PTPRT: variants seen among roughly 807,000 people sequenced by gnomAD.
PTPRT encodes receptor-type tyrosine-protein phosphatase T.
Under a neutral mutation model 176.8 loss-of-function variants are expected in PTPRT, and 56 were observed. The ratio of observed to expected loss-of-function variants is 0.32; its 90% CI spans 0.26 to 0.40. The LOEUF is 0.40. Ranked by LOEUF, PTPRT falls within the 10% of genes least tolerant of loss-of-function variation. The pLI, the probability that PTPRT is intolerant of heterozygous loss-of-function variation, is 1.00. For missense variants in PTPRT, 1,540 were observed against 1,908.2 expected, an observed-to-expected ratio of 0.81 and a Z score of 3.60; for synonymous variants, 783 against 739.0, an observed-to-expected ratio of 1.06 and a Z score of -0.96.
In PTPRT at chr20:42,620,491, T is replaced by C. The variant is rs934845181; in HGVS notation, c.1153+57375A>G. Among the ~76,000 whole-genome samples the C allele has an allele frequency of 2.6e-3, 391 of 148,116 alleles. 2 individuals are homozygous for C. The highest frequency in any genetic ancestry group is 4.1e-3 in the Non-Finnish European group (279 of 67,520). ...CACCCAGTTCGAGCTTCCTGGCTGC[T>C]TTGTTTACCTAAGCAAGCCTGGGCA... On this transcript the variant is annotated intron_variant, in intron 7 of 30. Coordinates refer to ENST00000373187, the MANE Select transcript of PTPRT (RefSeq NM_007050.6).
chr20:42,440,192 A>C (rs751135422), intron 9 of PTPRT, among the ~76,000 whole-genome samples: 3 of 152,196 alleles, frequency 2.0e-5, no homozygotes, highest in Non-Finnish European at 1.5e-5. Context: ...GGTGTGAGCC[A>C]CCACACCAGG....
intron 7 of PTPRT, among the ~76,000 whole-genome samples, chr20:42,554,478 T>C (rs1473962521): frequency 1.3e-5 from 2 of 152,174 alleles, no homozygotes; most frequent in East Asian, 3.9e-4. Flanking sequence ...GCAGGGAGGC[T>C]GTCCTCACTG....
chr20:42,481,635 AT>A (rs879421678), intron 7 of PTPRT, among the ~76,000 whole-genome samples: 4 of 148,424 alleles, frequency 2.7e-5, no homozygotes, highest in Admixed American at 6.7e-5. Flanking sequence ...GTTTTTTTTA[AT>A]TTTTTTTTTA....
chr20:42,442,290 T>G (rs2059323471), intron 9 of PTPRT, among the ~76,000 whole-genome samples: 1 of 152,208 alleles, frequency 6.6e-6, no homozygotes, highest in Non-Finnish European at 1.5e-5. Context: ...GCTTGTTGAT[T>G]CCTGGGGCCC....
the PTPRT span, among the ~76,000 whole-genome samples, chr20:42,040,668 G>A: frequency 6.6e-6 from 1 of 152,158 alleles, no homozygotes; most frequent in Admixed American, 6.5e-5. Flanking sequence ...CATGTATTTA[G>A]TGTGTTTGGA....
At chr20:42,738,711 C>T (rs1192611192) in intron 6 of PTPRT, among the ~76,000 whole-genome samples, 2 of 152,146 alleles carry the variant, frequency 1.3e-5, no homozygotes, top group Non-Finnish European at 2.9e-5. Context: ...AATCAGTCAA[C>T]TAATAGGGGG....
intron 9 of PTPRT, among the ~76,000 whole-genome samples, chr20:42,413,260 C>T (rs1266912284): frequency 6.6e-6 from 1 of 152,158 alleles, no homozygotes; most frequent in Non-Finnish European, 1.5e-5. Flanking sequence ...AACTAAAACA[C>T]ATAAGAATAT....
intron 6 of PTPRT, among the ~76,000 whole-genome samples, chr20:42,697,267 A>G (rs977855503): frequency 1.6e-4 from 24 of 152,346 alleles, no homozygotes; most frequent in African/African-American, 5.3e-4. Context: ...TCAGATAAAC[A>G]TAAAAGGATA....
intron 6 of PTPRT, among the ~76,000 whole-genome samples, chr20:42,733,850 G>A (rs1239523714): frequency 3.3e-5 from 5 of 152,188 alleles, no homozygotes; most frequent in African/African-American, 9.6e-5. Flanking sequence ...AAGCAGGCAC[G>A]AGGGATGTAC....
chr20:42,145,544 A>AGATAGGTAGATG (rs1487530031), intron 17 of PTPRT, among the ~76,000 whole-genome samples: 1 of 151,716 alleles, frequency 6.6e-6, no homozygotes, highest in African/African-American at 2.4e-5. Flanking sequence ...ATAGATAGAT[A>AGATAGGTAGATG]GATGGATGTT....
chr20:42,496,154 T>C (rs930952794), intron 7 of PTPRT, among the ~76,000 whole-genome samples: 1 of 152,122 alleles, frequency 6.6e-6, no homozygotes, highest in African/African-American at 2.4e-5. Context: ...TGTCTTCCTA[T>C]TGACTGGCCT....
chr20:42,528,500 A>T (rs2072319102), intron 7 of PTPRT, among the ~76,000 whole-genome samples: 1 of 152,146 alleles, frequency 6.6e-6, no homozygotes, highest in Admixed American at 6.5e-5. Context: ...GTTAAAGACA[A>T]AGCTCTTAAT....
intron 1 of PTPRT, among the ~76,000 whole-genome samples, chr20:42,926,771 G>A (rs775278816): frequency 2.6e-5 from 4 of 152,188 alleles, no homozygotes; most frequent in Admixed American, 1.3e-4. Context: ...CTGCATGATT[G>A]TTGTGGGGAT....
In PTPRT at chr20:42,078,078, G is replaced by T. The variant is rs1212145642; in HGVS notation, c.*2801C>A. ...CTGGGGAAGGCCAGCTGGGGCATTG[G>T]GCTGGAGCCGAGGGAGGCCAGCAGG... On this transcript the variant is annotated 3_prime_UTR_variant, in exon 31 of 31. Coordinates refer to ENST00000373187, the MANE Select transcript of PTPRT (RefSeq NM_007050.6). 5.3e-6 allele frequency: 1 copy of T among 187,196 alleles called. No individual in the cohort carries two copies. The highest frequency in any genetic ancestry group is 8.6e-5 in the East Asian group (1 of 11,682). 11.6% of individuals were successfully genotyped at this position (187,196 alleles called of 1,614,324 possible). A position where few individuals can be genotyped will look rare whatever the true frequency, so the allele number is the denominator to read the frequency against.
At chr20:42,403,765 C>T (rs552626104) in intron 9 of PTPRT, among the ~76,000 whole-genome samples, 14 of 152,164 alleles carry the variant, frequency 9.2e-5, no homozygotes, top group Non-Finnish European at 1.5e-4. Context: ...CCACCACATT[C>T]GCTCACAGTA....
intron 9 of PTPRT, among the ~76,000 whole-genome samples, chr20:42,417,118 C>T (rs2059073327): frequency 6.6e-6 from 1 of 152,200 alleles, no homozygotes; most frequent in Admixed American, 6.5e-5. Context: ...TGTACAGAAG[C>T]TCTATCAAAC....
chr20:42,104,125 T>C (rs899479043), intron 25 of PTPRT, among the ~76,000 whole-genome samples: 2 of 152,190 alleles, frequency 1.3e-5, no homozygotes, highest in African/African-American at 4.8e-5. Context: ...GGAAGACGTT[T>C]CGATCATGAG....
intron 13 of PTPRT, among the ~76,000 whole-genome samples, chr20:42,255,960 C>G (rs2056630844): frequency 6.6e-6 from 1 of 152,142 alleles, no homozygotes; most frequent in South Asian, 2.1e-4. Context: ...TTATCAGAGG[C>G]AAATCTTACT....
chr20:42,126,856 T>C (rs73114435), intron 19 of PTPRT, among the ~76,000 whole-genome samples: 7,342 of 152,306 alleles, frequency 0.048, 231 homozygotes, highest in Middle Eastern at 0.095. Flanking sequence ...TGCCTTGCTC[T>C]GGGCTGGAGA....
Sources: allele counts gnomAD v4.1 joint callset (sites outside exome capture counted in the v4.1 genomes callset), GRCh38; gene constraint gnomAD v4.1.1; transcripts MANE v1.5; gene names NCBI Gene and HGNC (gene_info 2026-07-23, HGNC 2026-07-21).